The following CLIP1 variants were observed in gnomAD, a reference collection of about 807,000 sequenced individuals.
CLIP1 encodes CAP-Gly domain-containing linker protein 1.
A neutral mutation model predicts 161.6 loss-of-function variants in CLIP1; 66 were observed. The ratio of observed to expected loss-of-function variants is 0.41; its 90% CI spans 0.33 to 0.50. The LOEUF (loss-of-function observed/expected upper bound fraction) is 0.50, where lower values mean the gene tolerates loss of function less well. Ranked by LOEUF, CLIP1 falls within the 20% of genes least tolerant of loss-of-function variation. CLIP1 has a pLI of 0.27. For missense variants in CLIP1, 1,376 were observed against 1,702.0 expected (o/e 0.81, Z 3.37); for synonymous variants, 598 against 626.2 (o/e 0.96, Z 0.67).
intron 17 of CLIP1, among the ~76,000 whole-genome samples, chr12:122,320,762 C>A (rs1049378969): frequency 2.0e-5 from 3 of 150,912 alleles, no homozygotes; most frequent in African/African-American, 7.3e-5. Context: ...CAGGCTGGAG[C>A]GCAGTGGTGC....
chr12:122,339,774 C>T (rs1459870913), intron 11 of CLIP1, among the ~76,000 whole-genome samples: 1 of 152,162 alleles, frequency 6.6e-6, no homozygotes, highest in East Asian at 1.9e-4. Context: ...GTGGGGACAT[C>T]ACAGGGTGCA....
chr12:122,342,999 C>T (rs1566144764), intron 10 of CLIP1: 1 of 151,912 alleles, frequency 6.6e-6, no homozygotes, highest in African/African-American at 2.4e-5. Context: ...ATAAATTGTA[C>T]ATGTGTGGCT....
intron 1 of CLIP1, among the ~76,000 whole-genome samples, chr12:122,405,212 C>G (rs1172250267): frequency 6.6e-6 from 1 of 151,846 alleles, no homozygotes; most frequent in Non-Finnish European, 1.5e-5. Context: ...TCCCATGAGA[C>G]GTTCTGTCAC....
chr12:122,294,333 AAAAAAAAAAAC>A (rs1950383171), intron 20 of CLIP1, among the ~76,000 whole-genome samples: 2 of 143,882 alleles, frequency 1.4e-5, no homozygotes, highest in Admixed American at 7.2e-5. Context: ...TGTCTCAAAA[AAAAAAAAAAAC>A]AAAAAAAAAA....
At chr12:122,332,874 G>T in intron 15 of CLIP1, 113 bp downstream of exon 15, 1 of 801,644 alleles carries the variant, frequency 1.2e-6, no homozygotes, top group Non-Finnish European at 1.9e-6. Flanking sequence ...GAAAAGAACA[G>T]AGACGGGAAA....
At chr12:122,385,289 G>C (rs1372288647) in intron 1 of CLIP1, among the ~76,000 whole-genome samples, 1 of 152,106 alleles carries the variant, frequency 6.6e-6, no homozygotes, top group Non-Finnish European at 1.5e-5. Flanking sequence ...GGACATCTGA[G>C]ATGGGTAAAA....
At chr12:122,285,204 C>CATAT (rs1955799196) in intron 21 of CLIP1, among the ~76,000 whole-genome samples, 1 of 150,550 alleles carries the variant, frequency 6.6e-6, no homozygotes, top group African/African-American at 2.5e-5. Flanking sequence ...TGACGTGCTA[C>CATAT]ATAAATGTAG....
chr12:122,329,291 C>T (rs1467944661), intron 15 of CLIP1, among the ~76,000 whole-genome samples: 1 of 152,088 alleles, frequency 6.6e-6, no homozygotes, highest in Non-Finnish European at 1.5e-5. Context: ...CGCATCACTG[C>T]AGTCCAGCCT....
At chr12:122,289,203 G>A (rs1383774505) in intron 20 of CLIP1, among the ~76,000 whole-genome samples, 3 of 151,648 alleles carry the variant, frequency 2.0e-5, no homozygotes, top group Non-Finnish European at 2.9e-5. Context: ...GGGGCAAGAT[G>A]GGCGGATCAG....
intron 20 of CLIP1, among the ~76,000 whole-genome samples, chr12:122,299,630 A>AAAAAAAAAAAAC (rs1230808211): frequency 6.7e-6 from 1 of 150,310 alleles, no homozygotes; most frequent in Admixed American, 6.6e-5. Flanking sequence ...AAAAAAAAAA[A>AAAAAAAAAAAAC]AAGATGCCGG....
chr12:122,376,612 G>A (rs1405572375), intron 3 of CLIP1, among the ~76,000 whole-genome samples: 2 of 151,768 alleles, frequency 1.3e-5, no homozygotes, highest in African/African-American at 2.4e-5. Flanking sequence ...GACTACAGGC[G>A]CATGCCACCA....
intron 21 of CLIP1, among the ~76,000 whole-genome samples, chr12:122,284,035 C>T (rs1206455563): frequency 6.6e-6 from 1 of 152,074 alleles, no homozygotes; most frequent in Non-Finnish European, 1.5e-5. Context: ...CACGCATAGG[C>T]CTACATATGA....
intron 20 of CLIP1, among the ~76,000 whole-genome samples, chr12:122,293,721 G>A (rs1335870344): frequency 2.6e-5 from 4 of 151,542 alleles, no homozygotes; most frequent in Non-Finnish European, 4.4e-5. Context: ...CAGGTGATCC[G>A]CCCGCCTCGG....
intron 20 of CLIP1, among the ~76,000 whole-genome samples, chr12:122,299,612 C>CA (rs71082962): frequency 0.12 from 7,249 of 62,430 alleles, 651 homozygotes; most frequent in African/African-American, 0.18. Flanking sequence ...ATAAATTCAG[C>CA]AAAAAAAAAA....
chr12:122,350,588 T>C (rs1265356239), intron 9 of CLIP1, among the ~76,000 whole-genome samples: 1 of 152,050 alleles, frequency 6.6e-6, no homozygotes, highest in Non-Finnish European at 1.5e-5. Flanking sequence ...TCAGCTGCAC[T>C]GGCAGGCACT....
At position 122,347,462 on chromosome 12, in the gene CLIP1, C is replaced by T; in HGVS notation, c.1419G>A (p.Glu473=). The T allele has an allele frequency of 1.9e-6, 3 of 1,613,550 alleles. No homozygotes were observed. Among genetic ancestry groups the T allele is most frequent in the Non-Finnish European group, 1.7e-6 (2 of 1,179,500 alleles). ...GTTCAAGCTCCTTAATGCGGGCATG[C>T]TCCAGTTTGGTCTGCGTCTGTTAGT... ...EDPENTQTKL[E]HARIKELEQS... Residue 473 remains glutamate (E), a synonymous_variant, in exon 10 of 26, where the codon GAG becomes GAA. Transcript: ENST00000620786.
intron 2 of CLIP1, among the ~76,000 whole-genome samples, chr12:122,379,637 ACG>A (rs1954910789): frequency 6.6e-6 from 1 of 151,522 alleles, no homozygotes; most frequent in South Asian, 2.1e-4. Flanking sequence ...ATAAAATTTT[ACG>A]TCTTTCAATT....
At chr12:122,396,376 CT>C (rs1461239527) in intron 1 of CLIP1, among the ~76,000 whole-genome samples, 3 of 152,100 alleles carry the variant, frequency 2.0e-5, no homozygotes, top group Admixed American at 2.0e-4. Flanking sequence ...TTTCCTCCCT[CT>C]TAAGAGTTTT....
At chr12:122,383,639 AT>A (rs1955108899) in intron 1 of CLIP1, among the ~76,000 whole-genome samples, 1 of 152,206 alleles carries the variant, frequency 6.6e-6, no homozygotes, top group Non-Finnish European at 1.5e-5. Flanking sequence ...GCCAGTGTTG[AT>A]TTTTTAAATC....
Sources: gnomAD v4.1 joint callset for allele counts (sites outside exome capture counted in the v4.1 genomes callset) on GRCh38, gnomAD v4.1.1 for gene constraint, MANE v1.5 for transcripts, NCBI Gene and HGNC (gene_info 2026-07-23, HGNC 2026-07-21) for gene names.